KIFC1: variants seen among roughly 807,000 people sequenced by gnomAD.
KIFC1 encodes kinesin-like protein KIFC1.
Under a neutral mutation model 66.6 loss-of-function variants are expected in KIFC1, and 37 were observed. The ratio of observed to expected loss-of-function variants is 0.56; its 90% CI spans 0.43 to 0.73. KIFC1 has a LOEUF of 0.73. Ranked by LOEUF, KIFC1 falls within the 30% of genes least tolerant of loss-of-function variation. KIFC1 has a pLI of 0.00. For synonymous variants in KIFC1, 325 were observed against 343.5 expected, an observed-to-expected ratio of 0.95 and a Z score of 0.60; for missense variants, 721 against 859.8, an observed-to-expected ratio of 0.84 and a Z score of 2.02.
chr6:33,398,187 T>G (rs1775186318), intron 2 of KIFC1, 21 bp downstream of exon 2: 1 of 1,614,066 alleles, frequency 6.2e-7, no homozygotes, highest in Non-Finnish European at 8.5e-7. Context: ...CATGGAGAGC[T>G]GTGCATGTGT....
chr6:33,401,427 C>T lies in KIFC1; in HGVS notation c.251-1887C>T, dbSNP rs1439453149. Among the ~76,000 whole-genome samples the T allele has an allele frequency of 6.6e-6, 1 of 152,122 alleles. No homozygotes were observed. The highest frequency in any genetic ancestry group is 1.5e-5 in the Non-Finnish European group (1 of 68,022). On this transcript the variant is annotated intron_variant, in intron 3 of 10. Transcript: ENST00000428849. This position sits in a 1 kb window ranked among gnomAD's most constrained non-coding sequence, Gnocchi z 4.5. ...GGGATTACAGACATGAGTTACTGCG[C>T]CCCGCCTGAAATTCTTTTTTTAATT...
intron 1 of KIFC1, among the ~76,000 whole-genome samples, chr6:33,396,405 CT>C (rs1220447253): frequency 6.8e-6 from 1 of 146,858 alleles, no homozygotes; most frequent in Non-Finnish European, 1.5e-5. Flanking sequence ...TGTGTTATTT[CT>C]TTTCTTTTTC....
chr6:33,396,010 A>G (rs1775015111), intron 1 of KIFC1, among the ~76,000 whole-genome samples: 1 of 152,190 alleles, frequency 6.6e-6, no homozygotes, highest in South Asian at 2.1e-4. Context: ...TGTAGCAGAC[A>G]TTGTACTAGG....
chr6:33,405,688 G>A lies in KIFC1; in HGVS notation c.1536+57G>A, dbSNP rs560141819. On this transcript the variant is annotated intron_variant, in intron 7 of 10. Transcript: ENST00000428849. The surrounding 1 kb of genome is among the most constrained non-coding windows in gnomAD (Gnocchi z 5.4). ...TGGGGAGGAGTGGGCAGGGTGCCAC[G>A]AGATGGAGGTAGAGGGAGAAAGGAG... 1.4e-5 allele frequency: 20 copies of A among 1,422,118 alleles called. No individual in the cohort carries two copies. Among genetic ancestry groups the A allele is most frequent in the East Asian group, 4.8e-5 (2 of 41,658 alleles). 88.1% of individuals were successfully genotyped at this position (1,422,118 alleles called of 1,614,324 possible). A position where few individuals can be genotyped will look rare whatever the true frequency, so the allele number is the denominator to read the frequency against.
At position 33,405,072 on chromosome 6, in the gene KIFC1, C is replaced by G. The variant is rs1775571326; in HGVS notation, c.977C>G (p.Thr326Ser). The G allele has an allele frequency of 6.2e-7, 1 of 1,614,138 alleles. No individual in the cohort carries two copies. The highest frequency in any genetic ancestry group is 8.5e-7 in the Non-Finnish European group (1 of 1,179,992). ...RVRPVLPGEP[T>S]PPPGLLLFPS... is the part of the protein sequence containing the mutation. ...CGCCCTGTCCTGCCGGGGGAGCCCA[C>G]TCCACCCCCTGGCCTCCTCCTGTTT... The change falls in exon 7 of 11, where the codon ACT becomes AGT. Residue 326 changes from threonine (T) to serine (S), a missense_variant. Thr to Ser is a moderately conservative substitution (Grantham distance 58, BLOSUM62 1). Transcript: ENST00000428849. The surrounding 1 kb of genome is among the most constrained non-coding windows in gnomAD (Gnocchi z 5.4).
At position 33,406,045 on chromosome 6, in the gene KIFC1, T is replaced by G; in HGVS notation, c.1537-151T>G. On this transcript the variant is annotated intron_variant, in intron 7 of 10. Coordinates refer to ENST00000428849, the MANE Select transcript of KIFC1 (RefSeq NM_002263.4). The surrounding 1 kb of genome is among the most constrained non-coding windows in gnomAD (Gnocchi z 4.5). Reference sequence around the variant, plus strand: ...TACACTCCCTATTCTATGTATTCCTTACCATTTTCAGACATACTGTGCATC... The same window carrying G: ...TACACTCCCTATTCTATGTATTCCTGACCATTTTCAGACATACTGTGCATC... 1.4e-6 allele frequency: 1 copy of G among 722,824 alleles called. No individual in the cohort carries two copies. The highest frequency in any genetic ancestry group is 2.2e-6 in the Non-Finnish European group (1 of 450,036). The allele number at this position is 722,824 out of a possible 1,614,324, so 44.8% of individuals were successfully genotyped here.
At position 33,404,002 on chromosome 6, in the gene KIFC1, G is replaced by C. The variant is rs773177817; in HGVS notation, c.629G>C (p.Arg210Pro). ...EQGQQELKNL[R>P]ACVLELEERL... ...GGCCAACAGGAGCTGAAGAACTTGC[G>C]TGCTTGTGTCCTGGAGCTGGAAGAG... Residue 210 changes from arginine to proline, a missense_variant, in exon 6 of 11, where the codon CGT (arginine) becomes CCT (proline). Transcript: ENST00000428849. The surrounding 1 kb of genome is among the most constrained non-coding windows in gnomAD (Gnocchi z 4.0). 36 of 1,614,082 alleles carry C rather than the reference G, an allele frequency of 2.2e-5. No homozygotes were observed. The highest frequency in any genetic ancestry group is 2.7e-5 in the Non-Finnish European group (32 of 1,180,034).
At chr6:33,393,415 G>A (rs904968698) in intron 1 of KIFC1, among the ~76,000 whole-genome samples, 1 of 145,692 alleles carries the variant, frequency 6.9e-6, no homozygotes, top group African/African-American at 2.5e-5. Context: ...CCAGATTTTC[G>A]TAACCATAGC....
Position 33,406,853 on chromosome 6 carries a change from ACT to A in KIFC1, c.1960_1961del (p.Leu654ThrfsTer72). On this transcript the variant is annotated frameshift_variant, in exon 10 of 11. Transcript: ENST00000428849. LOFTEE classifies it high-confidence loss of function. This position sits in a 1 kb window ranked among gnomAD's most constrained non-coding sequence, Gnocchi z 4.5. ...GAAGAGAACGTCTCCGAGTCCCTCA[ACT>A]CTCTACGCTTTGCCTCCAAGGTGCG... 1.2e-6 allele frequency: 2 copies of A among 1,613,620 alleles called. No individual in the cohort carries two copies. Among genetic ancestry groups the A allele is most frequent in the Non-Finnish European group, 1.7e-6 (2 of 1,179,918 alleles).
At position 33,404,995 on chromosome 6, in the gene KIFC1, G is replaced by T. The variant is rs1169435678; in HGVS notation, c.900G>T (p.Leu300=). 6.2e-7 allele frequency: 1 copy of T among 1,614,118 alleles called. No individual in the cohort carries two copies. The highest frequency in any genetic ancestry group is 8.5e-7 in the Non-Finnish European group (1 of 1,180,028). Residue 300 remains leucine, a synonymous_variant, in exon 7 of 11, where the codon CTG becomes CTT. Coordinates refer to ENST00000428849, the MANE Select transcript of KIFC1 (RefSeq NM_002263.4). This position sits in a 1 kb window ranked among gnomAD's most constrained non-coding sequence, Gnocchi z 4.0. ...GGCTAGAAATGGAGCGCCGGCGACTGCACAACCAGCTGCAGGAACTCAAGG... is the reference window on the plus strand; with the variant it reads ...GGCTAGAAATGGAGCGCCGGCGACTTCACAACCAGCTGCAGGAACTCAAGG... ...LHGLEMERRR[L]HNQLQELKGN...
Position 33,400,507 on chromosome 6 carries a change from C to T in KIFC1, c.250+2120C>T, listed in dbSNP as rs1023600011. The stretch of plus-strand genomic sequence containing the variant: ...AGTGGCACCGACTTCACCTCTGGTG[C>T]ACCTCAGGTATACGACCTTGATCTC... On this transcript the variant is annotated intron_variant, in intron 3 of 10. Coordinates refer to ENST00000428849, the MANE Select transcript of KIFC1 (RefSeq NM_002263.4). This position sits in a 1 kb window ranked among gnomAD's most constrained non-coding sequence, Gnocchi z 4.3. 4.4e-6 allele frequency: 7 copies of T among 1,595,442 alleles called. No homozygotes were observed. The highest frequency in any genetic ancestry group is 6.0e-6 in the Non-Finnish European group (7 of 1,167,884).
intron 3 of KIFC1, among the ~76,000 whole-genome samples, chr6:33,399,362 A>G (rs542514484): frequency 6.6e-6 from 1 of 152,244 alleles, no homozygotes; most frequent in South Asian, 2.1e-4. Context: ...CTGGCGACAG[A>G]GCGAGACTCG....
At chr6:33,402,313 G>A (rs1206275050) in intron 3 of KIFC1, among the ~76,000 whole-genome samples, 10 of 152,102 alleles carry the variant, frequency 6.6e-5, no homozygotes, top group Admixed American at 5.9e-4. Context: ...ATAATGTTAC[G>A]GGGCTACTGT....
At position 33,398,364 on chromosome 6, in the gene KIFC1, C is replaced by A; in HGVS notation, c.227C>A (p.Pro76Gln). 1 of 1,613,982 alleles carries A rather than the reference C, an allele frequency of 6.2e-7. No individual in the cohort carries two copies. The highest frequency in any genetic ancestry group is 8.5e-7 in the Non-Finnish European group (1 of 1,179,882). Residue 76 changes from proline to glutamine, a missense_variant, in exon 3 of 11, where the codon CCA (proline) becomes CAA (glutamine). Pro to Gln is a moderately conservative substitution (Grantham distance 76). Coordinates refer to ENST00000428849, the MANE Select transcript of KIFC1 (RefSeq NM_002263.4). The stretch of plus-strand genomic sequence containing the variant: ...AGAGTTCCATCCCTCACTACAGTGC[C>A]ACAGACACAAGGCCAGACCACAGGT... ...HPRVPSLTTV[P>Q]QTQGQTTAQK...
intron 10 of KIFC1, among the ~76,000 whole-genome samples, chr6:33,407,765 G>A (rs941221222): frequency 3.3e-5 from 5 of 152,184 alleles, no homozygotes; most frequent in Non-Finnish European, 7.3e-5. Context: ...TCACTAATGA[G>A]AATTCCTTCC....
In KIFC1 at chr6:33,405,301, T is replaced by C. The variant is rs1231342938; in HGVS notation, c.1206T>C (p.Tyr402=). The change falls in exon 7 of 11, where the codon TAT becomes TAC. Residue 402 remains tyrosine (Y), a synonymous_variant. Transcript: ENST00000428849. This position sits in a 1 kb window ranked among gnomAD's most constrained non-coding sequence, Gnocchi z 5.4. ...AMLVQSALDG[Y]PVCIFAYGQT... Reference sequence around the variant, plus strand: ...TTGTCCAGTCAGCCCTGGATGGCTATCCAGTATGCATCTTTGCCTATGGCC... The same window carrying C: ...TTGTCCAGTCAGCCCTGGATGGCTACCCAGTATGCATCTTTGCCTATGGCC... 1.2e-6 allele frequency: 2 copies of C among 1,614,152 alleles called. No individual in the cohort carries two copies. The highest frequency in any genetic ancestry group is 3.3e-5 in the Admixed American group (2 of 60,030).
chr6:33,405,586 C>T lies in KIFC1; in HGVS notation c.1491C>T (p.Leu497=), dbSNP rs536745198. 11 of 1,555,088 alleles carry T rather than the reference C, an allele frequency of 7.1e-6. No individual in the cohort carries two copies. The highest frequency in any genetic ancestry group is 5.5e-5 in the African/African-American group (4 of 73,054). ...GTGCAGGGCCAGGGAGTGAGGAGCT[C>T]ACTGTCACCAATGCTCGATATGTCC... The part of the protein sequence containing the change: ...IRRAGPGSEE[L]TVTNARYVPV... The change falls in exon 7 of 11, where the codon CTC becomes CTT. Residue 497 remains leucine, a synonymous_variant. Transcript: ENST00000428849. The surrounding 1 kb of genome is among the most constrained non-coding windows in gnomAD (Gnocchi z 5.4).
intron 1 of KIFC1, among the ~76,000 whole-genome samples, chr6:33,395,821 A>G (rs1260507960): frequency 6.6e-6 from 1 of 152,240 alleles, no homozygotes; most frequent in Non-Finnish European, 1.5e-5. Context: ...ATATTTGATT[A>G]CACTAAATTA....
rs778908482 is a variant in KIFC1 at position 33,405,486 on chromosome 6, T to C, written c.1391T>C (p.Ile464Thr). 1.2e-6 allele frequency: 2 copies of C among 1,612,668 alleles called. No homozygotes were observed. The highest frequency in any genetic ancestry group is 1.7e-6 in the Non-Finnish European group (2 of 1,179,304). ...TYSFVASYVE[I>T]YNETVRDLLA... is the part of the protein sequence containing the mutation. The stretch of plus-strand genomic sequence containing the variant: ...AGCTTTGTAGCAAGCTACGTAGAGA[T>C]CTACAATGAGACTGTCCGGGACCTG... Residue 464 changes from isoleucine (I) to threonine (T), a missense_variant, in exon 7 of 11, where the codon ATC becomes ACC. Transcript: ENST00000428849. This position sits in a 1 kb window ranked among gnomAD's most constrained non-coding sequence, Gnocchi z 5.4.
Sources: gnomAD v4.1 joint callset for allele counts (sites outside exome capture counted in the v4.1 genomes callset) on GRCh38, gnomAD v4.1.1 for gene constraint, Gnocchi (gnomAD v3.1) non-coding constraint, MANE v1.5 for transcripts, NCBI Gene and HGNC (gene_info 2026-07-23, HGNC 2026-07-21) for gene names.